Variants in TMEM11 observed in about 807,000 individuals in gnomAD.
TMEM11 encodes the protein transmembrane protein 11.
A neutral mutation model predicts 17.0 loss-of-function variants in TMEM11; 1 was observed. That is an observed-to-expected ratio of 0.06 (90% confidence interval 0.02 to 0.28). The LOEUF (loss-of-function observed/expected upper bound fraction) is 0.28. Among genes scored for constraint, TMEM11 ranks in the 10% least tolerant of loss-of-function variants. The pLI is 1.00. For missense variants in TMEM11, 172 were observed against 252.9 expected, an observed-to-expected ratio of 0.68 and a Z score of 2.17; for synonymous variants, 122 against 118.1, an observed-to-expected ratio of 1.03 and a Z score of -0.21.
intron 1 of TMEM11, among the ~76,000 whole-genome samples, chr17:21,209,827 C>T (rs1335177717): frequency 3.3e-5 from 5 of 152,258 alleles, no homozygotes; most frequent in Admixed American, 2.6e-4. Context: ...CTAATGGCTG[C>T]CCTAATGGAC....
At chr17:21,207,078 G>A (rs1434097007) in intron 1 of TMEM11, among the ~76,000 whole-genome samples, 1 of 152,120 alleles carries the variant, frequency 6.6e-6, no homozygotes, top group Non-Finnish European at 1.5e-5. Context: ...TGCCAATTCT[G>A]GGTATTTCAT....
chr17:21,201,222 G>A (rs181043082), intron 1 of TMEM11, among the ~76,000 whole-genome samples: 3 of 152,330 alleles, frequency 2.0e-5, no homozygotes, highest in Admixed American at 1.3e-4. Flanking sequence ...CCCTAACCCC[G>A]CCCCTGGGTG....
Position 21,198,538 on chromosome 17 carries a change from T to C in TMEM11, c.365A>G (p.Tyr122Cys). The C allele has an allele frequency of 6.2e-7, 1 of 1,614,162 alleles. No individual in the cohort carries two copies. The highest frequency in any genetic ancestry group is 8.5e-7 in the Non-Finnish European group (1 of 1,180,026). Residue 122 changes from tyrosine to cysteine, a missense_variant, in exon 2 of 2, where the codon TAT becomes TGT. By Grantham distance (194) the Tyr-to-Cys change is radical. Coordinates refer to ENST00000317635, the MANE Select transcript of TMEM11 (RefSeq NM_003876.3). The surrounding 1 kb of genome is among the most constrained non-coding windows in gnomAD (Gnocchi z 6.5). ...GVLSLACCTL[Y>C]GISWQFDPCC... ...AGGGTCAAACTGCCAGGAGATCCCA[T>C]AGAGGGTGCAGCAGGCCAGGCTCAG...
At position 21,198,579 on chromosome 17, in the gene TMEM11, G is replaced by A. The variant is rs1974845194; in HGVS notation, c.324C>T (p.Ser108=). ...ALPLDYSHYI[S]LPAGVLSLAC... is the part of the protein sequence containing the mutation. ...CCAGGCTCAGCACACCAGCGGGCAG[G>A]GAAATGTAGTGGGAATAATCTAAGG... is the stretch of plus-strand genomic sequence containing the variant. Residue 108 remains serine (S), a synonymous_variant, in exon 2 of 2, where the codon TCC becomes TCT. Coordinates refer to ENST00000317635, the MANE Select transcript of TMEM11 (RefSeq NM_003876.3). This position sits in a 1 kb window ranked among gnomAD's most constrained non-coding sequence, Gnocchi z 6.5. The A allele has an allele frequency of 6.2e-7, 1 of 1,613,994 alleles. No individual in the cohort carries two copies. The highest frequency in any genetic ancestry group is 1.3e-5 in the African/African-American group (1 of 74,950).
intron 1 of TMEM11, 154 bp downstream of exon 1, chr17:21,213,937 G>C (rs1323103439): frequency 2.8e-6 from 2 of 718,136 alleles, no homozygotes; most frequent in Non-Finnish European, 4.4e-6. Flanking sequence ...CCCGGATCCC[G>C]GATCCTCCGG....
chr17:21,199,616 G>T (rs142625237), intron 1 of TMEM11, among the ~76,000 whole-genome samples: 2 of 152,128 alleles, frequency 1.3e-5, no homozygotes, highest in African/African-American at 2.4e-5. Context: ...CTTGCCCTCC[G>T]CACGTTTCCT....
At chr17:21,211,171 A>G (rs1974999133) in intron 1 of TMEM11, 1 of 1,289,860 alleles carries the variant, frequency 7.8e-7, no homozygotes, top group Non-Finnish European at 1.0e-6. Flanking sequence ...ATTTTGGACA[A>G]GAATTCAGGT....
At chr17:21,200,889 A>C (rs545254756) in intron 1 of TMEM11, among the ~76,000 whole-genome samples, 26 of 152,312 alleles carry the variant, frequency 1.7e-4, no homozygotes, top group Non-Finnish European at 2.8e-4. Context: ...GTGACGAGTG[A>C]AGACATTCAT....
chr17:21,210,699 A>G (rs1974993447), intron 1 of TMEM11, among the ~76,000 whole-genome samples: 1 of 152,242 alleles, frequency 6.6e-6, no homozygotes, highest in African/African-American at 2.4e-5. Context: ...TGGCAAGGAA[A>G]GCCATGAAAG....
chr17:21,205,634 C>T (rs1974934252), intron 1 of TMEM11, among the ~76,000 whole-genome samples: 1 of 152,080 alleles, frequency 6.6e-6, no homozygotes, highest in Non-Finnish European at 1.5e-5. Context: ...TACCAACCAT[C>T]ACCACCATCC....
At chr17:21,202,815 G>T (rs1293300087) in intron 1 of TMEM11, among the ~76,000 whole-genome samples, 4 of 152,232 alleles carry the variant, frequency 2.6e-5, no homozygotes, top group African/African-American at 9.6e-5. Flanking sequence ...TCCTGTGAAT[G>T]ACACAGCCAT....
At position 21,198,986 on chromosome 17, in the gene TMEM11, A is replaced by G. The variant is rs1423417271; in HGVS notation, c.63-146T>C. 10 of 837,798 alleles carry G rather than the reference A, an allele frequency of 1.2e-5. No homozygotes were observed. In the East Asian group the frequency reaches 2.7e-4, roughly 22 times the overall value. 51.9% of individuals were successfully genotyped at this position (837,798 alleles called of 1,614,324 possible). A position where few individuals can be genotyped will look rare whatever the true frequency, so the allele number is the denominator to read the frequency against. ...TCACTTGGGTCCTCATCTCCTTTAA[A>G]TCCCAACACAAGATAATCAGTAAAA... On this transcript the variant is annotated intron_variant, in intron 1 of 1. Transcript: ENST00000317635. This position sits in a 1 kb window ranked among gnomAD's most constrained non-coding sequence, Gnocchi z 6.5.
intron 1 of TMEM11, chr17:21,213,600 T>A (rs1391223642): frequency 6.4e-6 from 1 of 156,626 alleles, no homozygotes; most frequent in African/African-American, 2.4e-5. Flanking sequence ...AGCTCCCTAG[T>A]AAACGTGCAG....
intron 1 of TMEM11, among the ~76,000 whole-genome samples, chr17:21,206,392 T>C (rs60803528): frequency 0.017 from 2,556 of 152,066 alleles, 50 homozygotes; most frequent in African/African-American, 0.038. Context: ...CAGCTAATTT[T>C]TGTATTTTTA....
chr17:21,213,834 G>A lies in TMEM11; in HGVS notation c.62+257C>T, dbSNP rs577827859. On this transcript the variant is annotated intron_variant, in intron 1 of 1. Coordinates refer to ENST00000317635, the MANE Select transcript of TMEM11 (RefSeq NM_003876.3). ...TTCCTTTCAGCACGGCCCGGCCTCGGGCCCCGCCCCGCATGGCCGCTGCCT... is the reference window on the plus strand; with the variant it reads ...TTCCTTTCAGCACGGCCCGGCCTCGAGCCCCGCCCCGCATGGCCGCTGCCT... The A allele has an allele frequency of 1.3e-4, 68 of 514,022 alleles. No homozygotes were observed. In the African/African-American group the frequency reaches 1.3e-3, roughly 10 times the overall value. 31.8% of individuals were successfully genotyped at this position (514,022 alleles called of 1,614,324 possible).
chr17:21,199,709 C>G (rs1974862266), intron 1 of TMEM11, among the ~76,000 whole-genome samples: 1 of 152,248 alleles, frequency 6.6e-6, no homozygotes, highest in Non-Finnish European at 1.5e-5. Flanking sequence ...TCCTTTGGCT[C>G]TCCTGGAGGC....
chr17:21,208,202 G>A (rs556638142), intron 1 of TMEM11, among the ~76,000 whole-genome samples: 1 of 151,776 alleles, frequency 6.6e-6, no homozygotes, highest in Admixed American at 6.6e-5. Flanking sequence ...CTGTGTTAGC[G>A]AGGATGGTCT....
At chr17:21,199,783 C>T (rs1384549912) in intron 1 of TMEM11, among the ~76,000 whole-genome samples, 4 of 152,048 alleles carry the variant, frequency 2.6e-5, no homozygotes, top group African/African-American at 4.8e-5. Context: ...CTCCCCGCTG[C>T]GGAGGGGAGA....
chr17:21,209,495 A>T (rs903746287), intron 1 of TMEM11, among the ~76,000 whole-genome samples: 4 of 152,218 alleles, frequency 2.6e-5, no homozygotes, highest in Non-Finnish European at 5.9e-5. Context: ...GGCCGGGCAC[A>T]GTGGCTCACG....
Sources: gnomAD v4.1 joint callset for allele counts (sites outside exome capture counted in the v4.1 genomes callset) on GRCh38, gnomAD v4.1.1 for gene constraint, Gnocchi (gnomAD v3.1) non-coding constraint, MANE v1.5 for transcripts, NCBI Gene and HGNC (gene_info 2026-07-23, HGNC 2026-07-21) for gene names.